Variants in NR1H2 observed in about 807,000 individuals in gnomAD.
NR1H2 encodes the protein nuclear receptor subfamily 1 group H member 2, also known as oxysterols receptor LXR-beta.
In NR1H2, 33 loss-of-function variants were observed where a neutral mutation model predicts 51.2. That is an observed-to-expected ratio of 0.64 (90% CI 0.49 to 0.86). NR1H2 has a LOEUF of 0.86. NR1H2 is among the 40% of genes least tolerant of loss of function. NR1H2 has a pLI of 0.00. For synonymous variants in NR1H2, 310 were observed against 264.3 expected (o/e 1.17, Z -1.68); for missense variants, 592 against 639.9 (o/e 0.93, Z 0.81).
chr19:50,379,190 C>T lies in NR1H2; in HGVS notation c.927+9C>T, dbSNP rs190166585. The stretch of plus-strand genomic sequence containing the variant: ...AGGCATCCACTATCGAGGTAATGGT[C>T]CATCTGCCCACAAGGAACCCCAGAG... On this transcript the variant is annotated intron_variant, in intron 7 of 9. Transcript: ENST00000253727. 1.4e-5 allele frequency: 22 copies of T among 1,605,046 alleles called. No homozygotes were observed. The highest frequency in any genetic ancestry group is 1.2e-4 in the Admixed American group (7 of 59,080).
intron 8 of NR1H2, among the ~76,000 whole-genome samples, chr19:50,380,709 G>A (rs763364251): frequency 5.3e-5 from 8 of 152,188 alleles, no homozygotes; most frequent in Non-Finnish European, 1.0e-4. Context: ...GAGGCCCTGA[G>A]GTTGGGGAGA....
Position 50,377,583 on chromosome 19 carries a change from A to G in NR1H2, c.-19-4A>G, listed in dbSNP as rs369402794. 1.2e-5 allele frequency: 19 copies of G among 1,612,620 alleles called. No individual in the cohort carries two copies. In the African/African-American group the frequency reaches 2.1e-4, roughly 18 times the overall value. ...CAAGGCTCTCAATCCCCTGTATTCT[A>G]CAGGCTGCTCCGTGACCCCACCATG... On this transcript the variant is annotated splice_polypyrimidine_tract_variant and splice_region_variant and intron_variant, in intron 2 of 9. Coordinates refer to ENST00000253727, the MANE Select transcript of NR1H2 (RefSeq NM_007121.7).
Position 50,379,078 on chromosome 19 carries a change from T to C in NR1H2, c.824T>C (p.Ile275Thr). ...QRFAHFTELA[I>T]ISVQEIVDFA... ...TTTGCCCACTTCACGGAGCTGGCCA[T>C]CATCTCAGTCCAGGAGATCGTGGAC... The change falls in exon 7 of 10, where the codon ATC becomes ACC. Residue 275 changes from isoleucine to threonine, a missense_variant. Ile to Thr is a moderately conservative substitution (Grantham distance 89, BLOSUM62 -1). This residue lies in a region of NR1H2 where 102 missense variants were observed against 152.4 expected (regional missense o/e 0.67). Transcript: ENST00000253727. The C allele has an allele frequency of 6.2e-7, 1 of 1,614,026 alleles. No homozygotes were observed. The highest frequency in any genetic ancestry group is 8.5e-7 in the Non-Finnish European group (1 of 1,180,006).
intron 2 of NR1H2, 167 bp from the exon 3 acceptor site, chr19:50,377,420 G>A (rs530271248): frequency 3.5e-6 from 2 of 567,290 alleles, no homozygotes; most frequent in African/African-American, 3.9e-5. Context: ...GGCAGGTCTT[G>A]TTAGAAGGAT....
chr19:50,380,656 G>A (rs1176260162), intron 8 of NR1H2, among the ~76,000 whole-genome samples: 1 of 152,118 alleles, frequency 6.6e-6, no homozygotes, highest in African/African-American at 2.4e-5. Context: ...AGCAGGGCAG[G>A]GCTGCAGGGA....
intron 2 of NR1H2, 44 bp from the exon 3 acceptor site, chr19:50,377,543 C>T (rs2037686639): frequency 4.0e-6 from 6 of 1,518,196 alleles, no homozygotes; most frequent in East Asian, 2.3e-5. Flanking sequence ...CCTAACCTAA[C>T]CCTTCTTAGC....
Position 50,382,007 on chromosome 19 carries a change from C to T in NR1H2, c.1069C>T (p.Arg357Trp), listed in dbSNP as rs781632586. ...EFINPIFEFS[R>W]AMRRLGLDDA... ...CATCAACCCCATCTTCGAGTTCTCG[C>T]GGGCCATGCGGCGGCTGGGCCTGGA... Residue 357 changes from arginine (R) to tryptophan (W), a missense_variant, in exon 9 of 10, where the codon CGG (arginine) becomes TGG (tryptophan). Transcript: ENST00000253727. The T allele has an allele frequency of 1.3e-5, 20 of 1,568,024 alleles. No homozygotes were observed. The highest frequency in any genetic ancestry group is 2.3e-5 in the South Asian group (2 of 85,594).
At chr19:50,379,746 G>A in intron 7 of NR1H2, 34 bp from the exon 8 acceptor site, 1 of 1,407,348 alleles carries the variant, frequency 7.1e-7, no homozygotes. Flanking sequence ...AAGGGTCACA[G>A]GGCTCAAGCT....
At chr19:50,381,303 C>T (rs759541683) in intron 8 of NR1H2, among the ~76,000 whole-genome samples, 2 of 152,226 alleles carry the variant, frequency 1.3e-5, no homozygotes, top group Non-Finnish European at 2.9e-5. Flanking sequence ...TCATCTCCTT[C>T]GGATTGGTCA....
At chr19:50,381,698 C>T (rs535379971) in intron 8 of NR1H2, among the ~76,000 whole-genome samples, 22 of 152,270 alleles carry the variant, frequency 1.4e-4, no homozygotes, top group Admixed American at 1.3e-3. Context: ...CTGCAGCCAC[C>T]GCCCAGGTGG....
chr19:50,378,458 G>C lies in NR1H2; in HGVS notation c.472+19G>C. On this transcript the variant is annotated intron_variant, in intron 5 of 9. Coordinates refer to ENST00000253727, the MANE Select transcript of NR1H2 (RefSeq NM_007121.7). Reference sequence around the variant, plus strand: ...GAGCAGTGTGAGTGCAGCGGGAGGGGGCGGTGCCGGCCTGGCCCCCCGCCT... The same window carrying C: ...GAGCAGTGTGAGTGCAGCGGGAGGGCGCGGTGCCGGCCTGGCCCCCCGCCT... 1.3e-6 allele frequency: 2 copies of C among 1,579,068 alleles called. No homozygotes were observed. The highest frequency in any genetic ancestry group is 1.3e-5 in the African/African-American group (1 of 74,638).
chr19:50,378,700 C>G lies in NR1H2; in HGVS notation c.651C>G (p.Val217=). 1 of 1,613,666 alleles carries G rather than the reference C, an allele frequency of 6.2e-7. No individual in the cohort carries two copies. Among genetic ancestry groups the G allele is most frequent in the Non-Finnish European group, 8.5e-7 (1 of 1,180,034 alleles). ...GSQGSGEGEG[V]QLTAAQELMI... ...AGGGCTCCGGGGAAGGCGAGGGTGT[C>G]CAGCTAACAGCGGCTCAAGAACTAA... Residue 217 remains valine (V), a synonymous_variant, in exon 6 of 10, where the codon GTC becomes GTG. Coordinates refer to ENST00000253727, the MANE Select transcript of NR1H2 (RefSeq NM_007121.7).
chr19:50,380,702 G>C (rs1381256414), intron 8 of NR1H2, among the ~76,000 whole-genome samples: 1 of 152,196 alleles, frequency 6.6e-6, no homozygotes, highest in Admixed American at 6.5e-5. Flanking sequence ...GATTGCAGAG[G>C]CCCTGAGGTT....
intron 9 of NR1H2, 132 bp from the exon 10 acceptor site, chr19:50,382,324 C>T (rs984928329): frequency 2.9e-6 from 4 of 1,370,890 alleles, no homozygotes; most frequent in East Asian, 2.5e-5. Flanking sequence ...CAGGTCTAGT[C>T]CAAGCACAGA....
chr19:50,377,328 G>A (rs2037682620), intron 2 of NR1H2: 1 of 432,970 alleles, frequency 2.3e-6, no homozygotes, highest in Non-Finnish European at 4.1e-6. Flanking sequence ...AGAAAAAGCA[G>A]GTGGATTGGA....
chr19:50,380,972 C>T (rs971873669), intron 8 of NR1H2, among the ~76,000 whole-genome samples: 19 of 152,194 alleles, frequency 1.2e-4, no homozygotes, highest in Non-Finnish European at 1.8e-4. Context: ...GAACCCTCCG[C>T]GGCTCCCGTC....
Position 50,378,574 on chromosome 19 carries a change from G to T in NR1H2, c.525G>T (p.Gln175His), listed in dbSNP as rs2037710589. Residue 175 changes from glutamine to histidine, a missense_variant, in exon 6 of 10, where the codon CAG becomes CAT. Physicochemically the swap from Gln to His is conservative, Grantham distance 24 (BLOSUM62 0). Coordinates refer to ENST00000253727, the MANE Select transcript of NR1H2 (RefSeq NM_007121.7). ...AGAAGAAGATTCGGAAACAGCAGCA[G>T]GAGTCACAGTCACAGTCGCAGTCAC... ...IRKKKIRKQQ[Q>H]ESQSQSQSPV... is the part of the protein sequence containing the mutation. 1.2e-6 allele frequency: 2 copies of T among 1,613,796 alleles called. No homozygotes were observed. Among genetic ancestry groups the T allele is most frequent in the Non-Finnish European group, 1.7e-6 (2 of 1,179,790 alleles).
Position 50,382,493 on chromosome 19 carries a change from T to C in NR1H2, c.1274T>C (p.Val425Ala). The C allele has an allele frequency of 6.2e-7, 1 of 1,610,484 alleles. No individual in the cohort carries two copies. Among genetic ancestry groups the C allele is most frequent in the Non-Finnish European group, 8.5e-7 (1 of 1,179,284 alleles). Residue 425 changes from valine to alanine, a missense_variant, in exon 10 of 10, where the codon GTG (valine) becomes GCG (alanine). By Grantham distance (64) the Val-to-Ala change is moderately conservative (BLOSUM62 0). This residue lies in a region of NR1H2 where 174 missense variants were observed against 174.0 expected (regional missense o/e 1.00). Transcript: ENST00000253727. ...LRFPRMLMKL[V>A]SLRTLSSVHS... The stretch of plus-strand genomic sequence containing the variant: ...TTCCCGCGCATGCTCATGAAGCTGG[T>C]GAGCCTGCGCACGCTGAGCTCTGTG...
At chr19:50,381,690 G>A (rs568112100) in intron 8 of NR1H2, among the ~76,000 whole-genome samples, 1 of 152,350 alleles carries the variant, frequency 6.6e-6, no homozygotes, top group East Asian at 1.9e-4. Context: ...TCGGGAAGCT[G>A]CAGCCACCGC....
Sources: gnomAD v4.1 joint callset for allele counts (sites outside exome capture counted in the v4.1 genomes callset) on GRCh38, gnomAD v4.1.1 for gene constraint, gnomAD v4.1.1 regional missense constraint, MANE v1.5 for transcripts, NCBI Gene and HGNC (gene_info 2026-07-23, HGNC 2026-07-21) for gene names.